Variants in SCIN observed in about 807,000 individuals in gnomAD.
SCIN encodes the protein adseverin.
In SCIN, 91 loss-of-function variants were observed where a neutral mutation model predicts 91.8. The observed-to-expected ratio is 0.99, with a 90% CI of 0.84 to 1.18. The LOEUF (loss-of-function observed/expected upper bound fraction) is 1.18, where lower values mean the gene tolerates loss of function less well. Among genes scored for constraint, SCIN ranks in the 50% most tolerant of loss-of-function variants. The probability of loss-of-function intolerance (pLI) is 0.00; values close to 1 mark genes in which losing one functional copy is unlikely to be tolerated. For missense variants in SCIN, 1,087 were observed against 863.9 expected (o/e 1.26, Z -3.24); for synonymous variants, 367 against 312.6 (o/e 1.17, Z -1.84).
intron 4 of SCIN, among the ~76,000 whole-genome samples, chr7:12,617,278 A>G (rs1209258496): frequency 6.6e-6 from 1 of 152,138 alleles, no homozygotes; most frequent in African/African-American, 2.4e-5. Context: ...TCACATGATA[A>G]TTGAGCCATA....
At chr7:12,591,868 T>G (rs1782730746) in intron 3 of SCIN, among the ~76,000 whole-genome samples, 1 of 151,770 alleles carries the variant, frequency 6.6e-6, no homozygotes, top group African/African-American at 2.4e-5. Context: ...AGATGGAGAG[T>G]TGGGCCTTGG....
In SCIN at chr7:12,649,533, G is replaced by A; in HGVS notation, c.1948G>A (p.Ala650Thr). The A allele has an allele frequency of 6.3e-7, 1 of 1,597,468 alleles. No individual in the cohort carries two copies. Among genetic ancestry groups the A allele is most frequent in the Non-Finnish European group, 8.5e-7 (1 of 1,170,784 alleles). The part of the protein sequence containing the change: ...LAEDDVMLLD[A>T]WEQIFIWIGK... ...TGAAGATGATGTCATGTTACTAGATGCTTGGGAACAGGTAAAACTACATTT... is the reference window on the plus strand; with the variant it reads ...TGAAGATGATGTCATGTTACTAGATACTTGGGAACAGGTAAAACTACATTT... The change falls in exon 14 of 16, where the codon GCT becomes ACT. Residue 650 changes from alanine (A) to threonine (T), a missense_variant. Coordinates refer to ENST00000297029, the MANE Select transcript of SCIN (RefSeq NM_001112706.3).
chr7:12,599,071 G>A (rs1026791360), intron 3 of SCIN, among the ~76,000 whole-genome samples: 2 of 152,052 alleles, frequency 1.3e-5, no homozygotes, highest in South Asian at 2.1e-4. Flanking sequence ...TATATCACTC[G>A]TATGTAAATA....
chr7:12,612,320 T>G (rs911209689), intron 4 of SCIN, among the ~76,000 whole-genome samples: 3 of 152,168 alleles, frequency 2.0e-5, no homozygotes, highest in Admixed American at 1.3e-4. Flanking sequence ...GAGGTCCATT[T>G]ACCGACTTAC....
intron 13 of SCIN, among the ~76,000 whole-genome samples, chr7:12,649,242 G>A (rs987655820): frequency 1.3e-5 from 2 of 152,058 alleles, no homozygotes; most frequent in Non-Finnish European, 2.9e-5. Flanking sequence ...TTTCACAAAT[G>A]CAATGTTTAT....
intron 14 of SCIN, among the ~76,000 whole-genome samples, chr7:12,650,896 A>G (rs2115304726): frequency 6.6e-6 from 1 of 152,316 alleles, no homozygotes. Context: ...GACAAGCTCT[A>G]CACGTGGTCT....
At chr7:12,624,894 T>G in intron 5 of SCIN, 116 bp from the exon 6 acceptor site, 1 of 1,019,280 alleles carries the variant, frequency 9.8e-7, no homozygotes, top group Middle Eastern at 2.1e-4. Context: ...AGTGTACAAT[T>G]CAATGCTTTT....
chr7:12,640,449 G>T lies in SCIN; in HGVS notation c.1513G>T (p.Ala505Ser). 1 of 1,613,226 alleles carries T rather than the reference G, an allele frequency of 6.2e-7. No individual in the cohort carries two copies. Among genetic ancestry groups the T allele is most frequent in the Non-Finnish European group, 8.5e-7 (1 of 1,179,612 alleles). The change falls in exon 11 of 16, where the codon GCA becomes TCA. Residue 505 changes from alanine (A) to serine (S), a missense_variant. Physicochemically the swap from Ala to Ser is moderately conservative, Grantham distance 99. Coordinates refer to ENST00000297029, the MANE Select transcript of SCIN (RefSeq NM_001112706.3). Reference sequence around the variant, plus strand: ...TGGAACATCAAAGAAAGGAGGTCAGGCACCTGCTCCCCCTACACGCCTCTT... The same window carrying T: ...TGGAACATCAAAGAAAGGAGGTCAGTCACCTGCTCCCCCTACACGCCTCTT... ...KNGTSKKGGQAPAPPTRLFQV... is the reference protein window; with the variant it reads ...KNGTSKKGGQSPAPPTRLFQV...
rs1245772074 is a variant in SCIN, at chr7:12,658,541, G to A, written c.*5826G>A. ...ATTTTAGAGTTTTGGCATGCATAAT[G>A]GAGTTTATGGCAGAGTTCAGAGGAT... On this transcript the variant is annotated 3_prime_UTR_variant, in exon 16 of 16. Transcript: ENST00000297029. The A allele has an allele frequency of 1.3e-5, 2 of 152,186 alleles. No individual in the cohort carries two copies. The highest frequency in any genetic ancestry group is 3.9e-4 in the East Asian group (2 of 5,190). 9.4% of individuals were successfully genotyped at this position (152,186 alleles called of 1,614,324 possible). A position where few individuals can be genotyped will look rare whatever the true frequency, so the allele number is the denominator to read the frequency against.
chr7:12,587,049 T>C (rs965114399), intron 3 of SCIN, among the ~76,000 whole-genome samples: 5 of 152,144 alleles, frequency 3.3e-5, no homozygotes, highest in African/African-American at 1.2e-4. Context: ...TAACAATAAT[T>C]TATTGTATAT....
At chr7:12,635,929 A>G in intron 9 of SCIN, 116 bp from the exon 10 acceptor site, 1 of 748,782 alleles carries the variant, frequency 1.3e-6, no homozygotes, top group Non-Finnish European at 2.3e-6. Context: ...GTATCATGTT[A>G]AAACAGTTCG....
intron 9 of SCIN, among the ~76,000 whole-genome samples, chr7:12,629,962 A>G (rs752317464): frequency 2.0e-5 from 3 of 152,106 alleles, no homozygotes; most frequent in Admixed American, 6.5e-5. Context: ...GAAAAAAGAA[A>G]ATAATTCTTA....
intron 4 of SCIN, among the ~76,000 whole-genome samples, chr7:12,622,085 A>C (rs139278774): frequency 1.3e-5 from 2 of 151,942 alleles, no homozygotes; most frequent in African/African-American, 4.8e-5. Context: ...TTAATTAATA[A>C]ATTAATTAAG....
chr7:12,635,469 C>T (rs538910053), intron 9 of SCIN, among the ~76,000 whole-genome samples: 51 of 150,162 alleles, frequency 3.4e-4, no homozygotes, highest in Middle Eastern at 3.4e-3. Context: ...AAAATTAGCC[C>T]GGTGTGGTGG....
intron 9 of SCIN, among the ~76,000 whole-genome samples, chr7:12,632,093 T>A (rs868849204): frequency 1.6e-5 from 1 of 60,778 alleles, no homozygotes; most frequent in African/African-American, 6.8e-5. Flanking sequence ...CATTTTATTT[T>A]ATTTTATTTT....
chr7:12,625,451 T>TTTTTTTTTC (rs1554295412), intron 6 of SCIN, among the ~76,000 whole-genome samples: 1 of 146,636 alleles, frequency 6.8e-6, no homozygotes, highest in Non-Finnish European at 1.5e-5. Flanking sequence ...TTTTTTTTTT[T>TTTTTTTTTC]CCGTCGCCCA....
chr7:12,629,186 TCTA>T lies in SCIN; in HGVS notation c.1285_1287del (p.Tyr429del). ...TATGGTGGTGACTGCTACATCATAC[TCTA>T]CACCTATCCCAGAGGACAGATTATC... On this transcript the variant is annotated inframe_deletion, in exon 9 of 16. Coordinates refer to ENST00000297029, the MANE Select transcript of SCIN (RefSeq NM_001112706.3). 1 of 1,613,080 alleles carries T rather than the reference TCTA, an allele frequency of 6.2e-7. No homozygotes were observed. Among genetic ancestry groups the T allele is most frequent in the South Asian group, 1.1e-5 (1 of 90,880 alleles).
chr7:12,604,620 T>C lies in SCIN; in HGVS notation c.623T>C (p.Leu208Pro). ...AATGAAAGGAAAGGAAGGTCTGAAC[T>C]AATTGTCGTGGAAGAAGGAAGTGAA... ...RYNERKGRSE[L>P]IVVEEGSEPS... Residue 208 changes from leucine to proline, a missense_variant, in exon 4 of 16, where the codon CTA (leucine) becomes CCA (proline). By Grantham distance (98) the Leu-to-Pro change is moderately conservative. Coordinates refer to ENST00000297029, the MANE Select transcript of SCIN (RefSeq NM_001112706.3). The C allele has an allele frequency of 1.9e-6, 3 of 1,552,202 alleles. No individual in the cohort carries two copies. Among genetic ancestry groups the C allele is most frequent in the Non-Finnish European group, 2.6e-6 (3 of 1,147,094 alleles).
At chr7:12,592,357 A>T (rs568737523) in intron 3 of SCIN, among the ~76,000 whole-genome samples, 3 of 152,240 alleles carry the variant, frequency 2.0e-5, no homozygotes, top group South Asian at 4.2e-4. Context: ...TAGGGGTGTT[A>T]TATGGAGAGT....
Sources: gnomAD v4.1 joint callset for allele counts (sites outside exome capture counted in the v4.1 genomes callset) on GRCh38, gnomAD v4.1.1 for gene constraint, MANE v1.5 for transcripts, NCBI Gene and HGNC (gene_info 2026-07-23, HGNC 2026-07-21) for gene names.